The following PDE11A variants were observed in gnomAD, a reference collection of about 807,000 sequenced individuals.
The protein encoded by PDE11A is phosphodiesterase 11A.
A neutral mutation model predicts 100.5 loss-of-function variants in PDE11A; 100 were observed. The observed-to-expected ratio is 1.00, with a 90% CI of 0.85 to 1.18. PDE11A has a LOEUF of 1.18. Ranked by LOEUF, PDE11A falls within the 50% of genes most tolerant of loss-of-function variation. The pLI is 0.00. For missense variants in PDE11A, 1,141 were observed against 1,152.6 expected, an observed-to-expected ratio of 0.99 and a Z score of 0.15; for synonymous variants, 381 against 420.8, an observed-to-expected ratio of 0.91 and a Z score of 1.16.
intron 18 of PDE11A, among the ~76,000 whole-genome samples, chr2:177,664,994 C>T (rs544201164): frequency 6.6e-6 from 1 of 152,166 alleles, no homozygotes; most frequent in South Asian, 2.1e-4. Context: ...TCACTAGCTG[C>T]CAAATCTGAG....
chr2:177,965,013 C>T (rs1008646640), intron 2 of PDE11A, among the ~76,000 whole-genome samples: 3 of 152,182 alleles, frequency 2.0e-5, no homozygotes, highest in Non-Finnish European at 4.4e-5. Flanking sequence ...TCCCTTTTCT[C>T]TACAACCTCA....
intron 7 of PDE11A, 102 bp from the exon 8 acceptor site, chr2:177,818,027 C>A: frequency 1.4e-6 from 1 of 714,350 alleles, no homozygotes; most frequent in Non-Finnish European, 2.6e-6. Context: ...TAAGGAACTG[C>A]ACTCAGTTTA....
Position 177,628,271 on chromosome 2 carries a change from A to G in PDE11A, c.*1136T>C, listed in dbSNP as rs1418240194. Reference sequence around the variant, plus strand: ...AGGATAGAAATCTATCTTCTAGCCCAATGTTCTTTGGATAACACATACCAT... The same window carrying G: ...AGGATAGAAATCTATCTTCTAGCCCGATGTTCTTTGGATAACACATACCAT... On this transcript the variant is annotated 3_prime_UTR_variant, in exon 20 of 20. Transcript: ENST00000286063. 1.3e-5 allele frequency: 2 copies of G among 152,704 alleles called. No homozygotes were observed. Among genetic ancestry groups the G allele is most frequent in the East Asian group, 1.9e-4 (1 of 5,200 alleles). 9.5% of individuals were successfully genotyped at this position (152,704 alleles called of 1,614,324 possible).
At chr2:177,675,981 C>A (rs1214224818) in intron 16 of PDE11A, 2 of 287,896 alleles carry the variant, frequency 6.9e-6, no homozygotes, top group East Asian at 1.7e-4. Context: ...GCACATGCCA[C>A]ATAAGGGGCT....
chr2:177,916,433 C>T (rs1183080869), intron 2 of PDE11A, among the ~76,000 whole-genome samples: 1 of 152,224 alleles, frequency 6.6e-6, no homozygotes, highest in Non-Finnish European at 1.5e-5. Context: ...TAATCAGCCA[C>T]ATCTGCTACC....
At chr2:177,871,292 G>A (rs1320489960) in intron 5 of PDE11A, among the ~76,000 whole-genome samples, 1 of 152,030 alleles carries the variant, frequency 6.6e-6, no homozygotes, top group Non-Finnish European at 1.5e-5. Context: ...GAGAAAGTGA[G>A]CCTTCTTCCC....
At chr2:177,688,943 G>A (rs1326454138) in intron 15 of PDE11A, among the ~76,000 whole-genome samples, 1 of 152,174 alleles carries the variant, frequency 6.6e-6, no homozygotes, top group African/African-American at 2.4e-5. Context: ...GCAAATTTAT[G>A]TATCTATACA....
intron 5 of PDE11A, among the ~76,000 whole-genome samples, chr2:177,848,706 C>T (rs557571623): frequency 4.6e-5 from 7 of 151,986 alleles, no homozygotes; most frequent in South Asian, 2.1e-4. Context: ...AAGTGAGGGC[C>T]GGTGAGGTAT....
At chr2:178,000,219 A>AAAC (rs1559037853) in intron 2 of PDE11A, among the ~76,000 whole-genome samples, 1 of 81,468 alleles carries the variant, frequency 1.2e-5, no homozygotes, top group Non-Finnish European at 3.4e-5. Flanking sequence ...TCAATTCAGA[A>AAAC]AAGAAGGGAA....
At chr2:177,969,642 C>T (rs986182586) in intron 2 of PDE11A, among the ~76,000 whole-genome samples, 3 of 151,816 alleles carry the variant, frequency 2.0e-5, no homozygotes, top group Non-Finnish European at 4.4e-5. Flanking sequence ...AAGTAAGCCT[C>T]TCCCTATAAA....
chr2:177,824,033 C>A (rs1249581904), intron 6 of PDE11A, among the ~76,000 whole-genome samples: 1 of 152,024 alleles, frequency 6.6e-6, no homozygotes, highest in Non-Finnish European at 1.5e-5. Context: ...AGGCTGTTCG[C>A]CAGTTAAATA....
rs531846919 is a variant in PDE11A at position 177,845,274 on chromosome 2, C to T, written c.1368-4891G>A. On this transcript the variant is annotated intron_variant, in intron 5 of 19. Transcript: ENST00000286063. ...GCGGAGGGGCTCCTCACTTCTCAGA[C>T]GGGGCGGTTGCCAGGCAGAGGGTCT... is the stretch of plus-strand genomic sequence containing the variant. Among the ~76,000 whole-genome samples the T allele has an allele frequency of 7.4e-4, 110 of 148,996 alleles. 2 individuals are homozygous for T. The South Asian group carries it at 0.015, about 20-fold the overall frequency.
intron 6 of PDE11A, among the ~76,000 whole-genome samples, chr2:177,824,335 T>C (rs766167912): frequency 5.9e-5 from 9 of 152,212 alleles, no homozygotes; most frequent in Middle Eastern, 3.2e-3. Context: ...TTTAAGTTAA[T>C]TGCATAGTTA....
At chr2:177,956,210 C>G (rs1339989039) in intron 2 of PDE11A, among the ~76,000 whole-genome samples, 1 of 152,014 alleles carries the variant, frequency 6.6e-6, no homozygotes, top group Non-Finnish European at 1.5e-5. Flanking sequence ...AACACATTTA[C>G]AAGAAAAAAA....
chr2:177,979,454 T>C (rs1355269391), intron 2 of PDE11A, among the ~76,000 whole-genome samples: 1 of 150,160 alleles, frequency 6.7e-6, no homozygotes, highest in Non-Finnish European at 1.5e-5. Flanking sequence ...CCTAAGGCCT[T>C]GGTGGTTTGT....
rs1175651468 is a variant in PDE11A at position 177,728,098 on chromosome 2, A to G, written c.1863T>C (p.Asp621=). The change falls in exon 11 of 20, where the codon GAT becomes GAC. Residue 621 remains aspartate, a synonymous_variant. Transcript: ENST00000286063. ...TCCGGAGAGCAGCTGTGATCATGGC[A>G]TCAACGTCGAGAGAAAAGTCATCAA... ...IHFDDFSLDV[D]AMITAALRMF... The G allele has an allele frequency of 1.9e-5, 31 of 1,612,468 alleles. No individual in the cohort carries two copies. The highest frequency in any genetic ancestry group is 2.7e-5 in the African/African-American group (2 of 74,998).
chr2:178,048,760 A>G (rs1026316634), intron 1 of PDE11A, among the ~76,000 whole-genome samples: 3 of 152,202 alleles, frequency 2.0e-5, no homozygotes, highest in East Asian at 3.8e-4. Context: ...ACGCCTATAA[A>G]TATAAGCCCA....
At chr2:178,093,941 C>A (rs1298339598) in intron 2 of PDE11A, among the ~76,000 whole-genome samples, 3 of 150,798 alleles carry the variant, frequency 2.0e-5, no homozygotes, top group Non-Finnish European at 3.0e-5. Context: ...AAGTAAAGAG[C>A]CAAATAACAG....
chr2:177,986,983 C>T (rs13017462), intron 2 of PDE11A, among the ~76,000 whole-genome samples: 9,528 of 152,148 alleles, frequency 0.063, 302 homozygotes, highest in South Asian at 0.094. Flanking sequence ...AAATATAATA[C>T]TTAGTGTCCA....
Sources: allele counts gnomAD v4.1 joint callset (sites outside exome capture counted in the v4.1 genomes callset), GRCh38; gene constraint gnomAD v4.1.1; transcripts MANE v1.5; gene names NCBI Gene and HGNC (gene_info 2026-07-23, HGNC 2026-07-21).